AUTS2: variants seen among roughly 807,000 people sequenced by gnomAD.
AUTS2 encodes activator of transcription and developmental regulator AUTS2.
AUTS2 carries 17 observed loss-of-function variants against 112.4 expected under a neutral mutation model. That is an observed-to-expected ratio of 0.15 (90% CI 0.10 to 0.23). AUTS2 has a LOEUF of 0.23. AUTS2 is among the 10% of genes least tolerant of loss of function. AUTS2 has a pLI of 1.00. For synonymous variants in AUTS2, 751 were observed against 702.7 expected, an observed-to-expected ratio of 1.07 and a Z score of -1.09; for missense variants, 1,510 against 1,701.6, an observed-to-expected ratio of 0.89 and a Z score of 1.98.
chr7:70,274,221 A>G (rs1325905292), intron 4 of AUTS2, among the ~76,000 whole-genome samples: 1 of 151,856 alleles, frequency 6.6e-6, no homozygotes, highest in African/African-American at 2.4e-5. Flanking sequence ...TAATATCTTC[A>G]GCATTTTTCT....
intron 3 of AUTS2, among the ~76,000 whole-genome samples, chr7:70,125,794 C>T (rs1290304580): frequency 6.6e-6 from 1 of 152,144 alleles, no homozygotes; most frequent in Admixed American, 6.6e-5. Flanking sequence ...TATTATTGTC[C>T]TTTACTCTGT....
intron 5 of AUTS2, among the ~76,000 whole-genome samples, chr7:70,491,576 T>A (rs1798242737): frequency 7.0e-6 from 1 of 141,858 alleles, no homozygotes; most frequent in African/African-American, 2.7e-5. Context: ...TGTGTATATA[T>A]AATGTATATA....
chr7:70,507,415 T>G (rs553259455), intron 5 of AUTS2, among the ~76,000 whole-genome samples: 2 of 152,138 alleles, frequency 1.3e-5, no homozygotes, highest in South Asian at 4.2e-4. Context: ...ATATCTGAGG[T>G]GCAGATGAGT....
At position 70,763,100 on chromosome 7, in the gene AUTS2, G is replaced by C; in HGVS notation, c.973G>C (p.Val325Leu). 8.1e-6 allele frequency: 13 copies of C among 1,614,064 alleles called. No individual in the cohort carries two copies. The highest frequency in any genetic ancestry group is 1.1e-5 in the Non-Finnish European group (13 of 1,180,018). ...AGCTCCTTCTCCGGACCCTGACTTGGTGCAGCGCACAGAGGCCCCACCTCA... is the reference window on the plus strand; with the variant it reads ...AGCTCCTTCTCCGGACCCTGACTTGCTGCAGCGCACAGAGGCCCCACCTCA... ...LRAPSPDPDLVQRTEAPPQPP... is the reference protein window; with the variant it reads ...LRAPSPDPDLLQRTEAPPQPP... The change falls in exon 7 of 19, where the codon GTG (valine) becomes CTG (leucine). Residue 325 changes from valine (V) to leucine (L), a missense_variant. Coordinates refer to ENST00000342771, the MANE Select transcript of AUTS2 (RefSeq NM_015570.4).
rs570694638 is a variant in AUTS2 at position 70,126,931 on chromosome 7, A to C, written c.625-7605A>C. Among the ~76,000 whole-genome samples the C allele has an allele frequency of 1.6e-3, 240 of 151,562 alleles. 1 individual carries two copies. Among genetic ancestry groups the C allele is most frequent in the African/African-American group, 4.9e-3 (203 of 41,310 alleles). On this transcript the variant is annotated intron_variant, in intron 3 of 18. Transcript: ENST00000342771. ...AACCTCCACCTCCTGGGTTCAAGCA[A>C]TTCTCCTGCCTCAGCCTCCCAAGTA...
At chr7:70,241,411 C>T (rs1812606341) in intron 4 of AUTS2, among the ~76,000 whole-genome samples, 1 of 152,156 alleles carries the variant, frequency 6.6e-6, no homozygotes, top group African/African-American at 2.4e-5. Flanking sequence ...ATTTTAGCCC[C>T]ATATGCTGTA....
At chr7:70,033,647 A>G (rs1800876608) in intron 2 of AUTS2, among the ~76,000 whole-genome samples, 1 of 152,044 alleles carries the variant, frequency 6.6e-6, no homozygotes, top group African/African-American at 2.4e-5. Context: ...GTGTAGATGT[A>G]TACAAAATAG....
chr7:69,952,924 A>C (rs146527924), intron 2 of AUTS2, among the ~76,000 whole-genome samples: 1 of 152,152 alleles, frequency 6.6e-6, no homozygotes, highest in Middle Eastern at 3.2e-3. Flanking sequence ...CTTTTCTGCT[A>C]TGGAGGGCAC....
intron 1 of AUTS2, among the ~76,000 whole-genome samples, chr7:69,800,779 A>G (rs1389465345): frequency 1.3e-5 from 2 of 152,126 alleles, no homozygotes; most frequent in Admixed American, 6.5e-5. Context: ...AGGGTCAAAT[A>G]GATCTTGCCT....
chr7:70,287,283 T>A (rs1788504271), intron 4 of AUTS2, among the ~76,000 whole-genome samples: 1 of 152,214 alleles, frequency 6.6e-6, no homozygotes, highest in East Asian at 1.9e-4. Flanking sequence ...TCGACTGTTG[T>A]ACCACTCTTT....
intron 5 of AUTS2, among the ~76,000 whole-genome samples, chr7:70,630,007 G>T (rs1805173958): frequency 1.3e-5 from 2 of 152,108 alleles, no homozygotes; most frequent in Non-Finnish European, 2.9e-5. Context: ...AGAGTGGATT[G>T]AAATGAATTT....
At chr7:70,780,728 CT>C (rs994450580) in intron 14 of AUTS2, among the ~76,000 whole-genome samples, 1 of 152,132 alleles carries the variant, frequency 6.6e-6, no homozygotes, top group Non-Finnish European at 1.5e-5. Context: ...GAGAAAGGGC[CT>C]CTGTTAGTTA....
At chr7:70,752,146 C>T (rs574794481) in intron 6 of AUTS2, among the ~76,000 whole-genome samples, 41 of 151,950 alleles carry the variant, frequency 2.7e-4, no homozygotes, top group Admixed American at 5.9e-4. Context: ...CTAAGAATCG[C>T]GGAAGGAGTC....
intron 6 of AUTS2, among the ~76,000 whole-genome samples, chr7:70,711,608 A>G (rs1003778555): frequency 6.6e-6 from 1 of 152,236 alleles, no homozygotes; most frequent in Non-Finnish European, 1.5e-5. Flanking sequence ...TGCCTGGTTC[A>G]TGTCAGAGCA....
chr7:70,154,694 A>G (rs1414959092), intron 4 of AUTS2, among the ~76,000 whole-genome samples: 2 of 152,214 alleles, frequency 1.3e-5, no homozygotes, highest in Admixed American at 6.5e-5. Context: ...TGTACAAACA[A>G]TGCCACTGGC....
At chr7:70,556,696 A>T (rs1415709730) in intron 5 of AUTS2, among the ~76,000 whole-genome samples, 1 of 152,134 alleles carries the variant, frequency 6.6e-6, no homozygotes, top group Non-Finnish European at 1.5e-5. Context: ...TTTATCTCAG[A>T]GCTCCATGTG....
chr7:70,177,801 G>A (rs1809070088), intron 4 of AUTS2, among the ~76,000 whole-genome samples: 1 of 99,426 alleles, frequency 1.0e-5, no homozygotes, highest in Non-Finnish European at 2.1e-5. Flanking sequence ...AATTAAATCT[G>A]TCTGTTCTGC....
At chr7:69,747,519 A>G (rs1218090891) in intron 1 of AUTS2, among the ~76,000 whole-genome samples, 1 of 152,234 alleles carries the variant, frequency 6.6e-6, no homozygotes, top group Non-Finnish European at 1.5e-5. Context: ...ATTATAAACA[A>G]GATCTTGTTT....
At chr7:70,141,447 A>G (rs932424907) in intron 4 of AUTS2, among the ~76,000 whole-genome samples, 4 of 152,204 alleles carry the variant, frequency 2.6e-5, no homozygotes, top group Non-Finnish European at 5.9e-5. Context: ...TTAAGTGTGT[A>G]TTTAAGTGTA....
Sources: allele counts gnomAD v4.1 joint callset (sites outside exome capture counted in the v4.1 genomes callset), GRCh38; gene constraint gnomAD v4.1.1; transcripts MANE v1.5; gene names NCBI Gene and HGNC (gene_info 2026-07-23, HGNC 2026-07-21).